NTNG1: variants seen among roughly 807,000 people sequenced by gnomAD.
The protein encoded by NTNG1 is netrin-G1.
In NTNG1, 16 loss-of-function variants were observed where a neutral mutation model predicts 54.0. That is an observed-to-expected ratio of 0.30 (90% CI 0.20 to 0.45). The LOEUF is 0.45. NTNG1 is among the 20% of genes least tolerant of loss of function. NTNG1 has a pLI of 1.00. For synonymous variants in NTNG1, 255 were observed against 263.1 expected, an observed-to-expected ratio of 0.97 and a Z score of 0.30; for missense variants, 530 against 678.7, an observed-to-expected ratio of 0.78 and a Z score of 2.43.
intron 2 of NTNG1, among the ~76,000 whole-genome samples, chr1:107,285,571 T>C (rs983176848): frequency 2.0e-5 from 3 of 152,116 alleles, no homozygotes; most frequent in African/African-American, 7.2e-5. Context: ...TATATGAAAA[T>C]AGTGTTTCTG....
At chr1:107,351,312 A>AT (rs2101960074) in intron 3 of NTNG1, among the ~76,000 whole-genome samples, 1 of 152,292 alleles carries the variant, frequency 6.6e-6, no homozygotes, top group Non-Finnish European at 1.5e-5. Context: ...GAAATACCTG[A>AT]AACTGGATAA....
intron 3 of NTNG1, among the ~76,000 whole-genome samples, chr1:107,378,735 T>C (rs925273712): frequency 5.9e-5 from 9 of 152,178 alleles, no homozygotes; most frequent in African/African-American, 2.2e-4. Context: ...TGAGAGTGTC[T>C]TGACGGACTT....
rs373196154 is a variant in NTNG1, at chr1:107,482,676, G to A, written c.*1836G>A. 1.8e-4 allele frequency: 27 copies of A among 152,272 alleles called. No homozygotes were observed. The East Asian group carries it at 4.8e-3, about 27-fold the overall frequency. The allele number at this position is 152,272 out of a possible 1,614,324, so 9.4% of individuals were successfully genotyped here. On this transcript the variant is annotated 3_prime_UTR_variant, in exon 8 of 8. Transcript: ENST00000370068. ...AGAACAATAACCTATGATAGTGTAAGGTCAGAAACCTAGTTCCAGTCTGAA... is the reference window on the plus strand; with the variant it reads ...AGAACAATAACCTATGATAGTGTAAAGTCAGAAACCTAGTTCCAGTCTGAA...
intron 3 of NTNG1, among the ~76,000 whole-genome samples, chr1:107,368,090 G>A (rs1670706590): frequency 6.6e-6 from 1 of 151,960 alleles, no homozygotes; most frequent in Non-Finnish European, 1.5e-5. Flanking sequence ...CTGAAACATC[G>A]ATCCAACACA....
intron 2 of NTNG1, among the ~76,000 whole-genome samples, chr1:107,164,900 G>A (rs1316687583): frequency 1.3e-5 from 2 of 152,178 alleles, no homozygotes; most frequent in African/African-American, 4.8e-5. Flanking sequence ...AGACAAGGGA[G>A]GGGAAGGGGT....
chr1:107,379,607 C>T (rs895914219), intron 3 of NTNG1, among the ~76,000 whole-genome samples: 16 of 152,270 alleles, frequency 1.1e-4, no homozygotes, highest in South Asian at 8.3e-4. Context: ...CTCTAGTGCC[C>T]TATCAGCCCT....
At chr1:107,401,641 G>A (rs1673045043) in intron 4 of NTNG1, among the ~76,000 whole-genome samples, 1 of 151,160 alleles carries the variant, frequency 6.6e-6, no homozygotes, top group African/African-American at 2.4e-5. Flanking sequence ...TCAGATCACA[G>A]TAGGTCATAT....
chr1:107,190,997 A>G lies in NTNG1; in HGVS notation c.246+42158A>G, dbSNP rs1657870317. Reference sequence around the variant, plus strand: ...TCTAGTTCTAGATCCCTGAGGAGTCACCACACTGACTTCCACAATGGTTGA... The same window carrying G: ...TCTAGTTCTAGATCCCTGAGGAGTCGCCACACTGACTTCCACAATGGTTGA... On this transcript the variant is annotated intron_variant, in intron 2 of 7. Transcript: ENST00000370068. Among the ~76,000 whole-genome samples, 5 of 151,864 alleles carry G rather than the reference A, an allele frequency of 3.3e-5. No individual in the cohort carries two copies. In the South Asian group the frequency reaches 1.0e-3, roughly 32 times the overall value.
At chr1:107,416,407 T>C (rs552749429) in intron 5 of NTNG1, among the ~76,000 whole-genome samples, 51 of 152,262 alleles carry the variant, frequency 3.3e-4, no homozygotes, top group African/African-American at 1.1e-3. Flanking sequence ...GACAATTATA[T>C]TCTCAGTAGG....
intron 2 of NTNG1, among the ~76,000 whole-genome samples, chr1:107,244,723 C>T (rs1175537321): frequency 6.6e-6 from 1 of 152,166 alleles, no homozygotes; most frequent in Non-Finnish European, 1.5e-5. Context: ...TGTCTGTCTG[C>T]CAATCTAGCT....
At chr1:107,322,924 G>C (rs762358284) in intron 2 of NTNG1, among the ~76,000 whole-genome samples, 16 of 152,054 alleles carry the variant, frequency 1.1e-4, no homozygotes, top group Non-Finnish European at 8.8e-5. Context: ...GAGAGTGAGA[G>C]TATTAGCTGA....
intron 4 of NTNG1, among the ~76,000 whole-genome samples, chr1:107,400,651 G>GTTTTTTTTTTTTTTTTTTTTTTTT (rs370579128): frequency 1.4e-5 from 2 of 147,504 alleles, no homozygotes. Context: ...TGTGGAATAA[G>GTTTTTTTTTTTTTTTTTTTTTTTT]TTTTTTTTTT....
At chr1:107,252,616 A>G (rs559215621) in intron 2 of NTNG1, among the ~76,000 whole-genome samples, 181 of 152,226 alleles carry the variant, frequency 1.2e-3, no homozygotes, top group African/African-American at 4.2e-3. Flanking sequence ...CTTCTTGCAC[A>G]TGAGTGGATT....
At chr1:107,188,044 T>A (rs1376828235) in intron 2 of NTNG1, among the ~76,000 whole-genome samples, 1 of 113,296 alleles carries the variant, frequency 8.8e-6, no homozygotes, top group Non-Finnish European at 1.9e-5. Flanking sequence ...CTGTGTGTAA[T>A]CGGGAATGGC....
intron 2 of NTNG1, among the ~76,000 whole-genome samples, chr1:107,293,448 T>C (rs907507753): frequency 6.6e-6 from 1 of 152,202 alleles, no homozygotes; most frequent in African/African-American, 2.4e-5. Context: ...TATCATCCAT[T>C]GGATTATGAG....
At chr1:107,164,777 C>T (rs1332017634) in intron 2 of NTNG1, among the ~76,000 whole-genome samples, 1 of 152,142 alleles carries the variant, frequency 6.6e-6, no homozygotes, top group African/African-American at 2.4e-5. Flanking sequence ...ACGCTTGTTC[C>T]TCAGTGCCAC....
intron 3 of NTNG1, among the ~76,000 whole-genome samples, chr1:107,369,680 T>C (rs1570784015): frequency 6.6e-6 from 1 of 152,286 alleles, no homozygotes; most frequent in East Asian, 1.9e-4. Context: ...AAATATTTTA[T>C]TTCAATATGT....
chr1:107,383,901 G>A (rs1671790887), intron 3 of NTNG1, among the ~76,000 whole-genome samples: 1 of 152,196 alleles, frequency 6.6e-6, no homozygotes, highest in Admixed American at 6.5e-5. Context: ...TAAGCACCTA[G>A]TTTTGTTAAT....
At chr1:107,157,874 T>G (rs1317613305) in intron 2 of NTNG1, among the ~76,000 whole-genome samples, 1 of 152,152 alleles carries the variant, frequency 6.6e-6, no homozygotes, top group Non-Finnish European at 1.5e-5. Flanking sequence ...CATAATCCAT[T>G]CAAAATATGA....
Sources: allele counts gnomAD v4.1 joint callset (sites outside exome capture counted in the v4.1 genomes callset), GRCh38; gene constraint gnomAD v4.1.1; transcripts MANE v1.5; gene names NCBI Gene and HGNC (gene_info 2026-07-23, HGNC 2026-07-21).